Variants in MACROD2 observed in about 807,000 individuals in gnomAD.
MACROD2 encodes ADP-ribose glycohydrolase MACROD2.
MACROD2 carries 36 observed loss-of-function variants against 70.4 expected under a neutral mutation model. The ratio of observed to expected loss-of-function variants is 0.51; its 90% CI spans 0.39 to 0.68. The LOEUF is 0.68. Ranked by LOEUF, MACROD2 falls within the 30% of genes least tolerant of loss-of-function variation. The pLI, the probability that MACROD2 is intolerant of heterozygous loss-of-function variation, is 0.00. For synonymous variants in MACROD2, 172 were observed against 178.8 expected (o/e 0.96, Z 0.30); for missense variants, 496 against 538.4 (o/e 0.92, Z 0.78).
At chr20:15,841,116 G>C (rs1347667370) in intron 8 of MACROD2, among the ~76,000 whole-genome samples, 9 of 152,068 alleles carry the variant, frequency 5.9e-5, no homozygotes, top group Admixed American at 1.3e-4. Context: ...GTCTTTCTCT[G>C]TGTTTCACAT....
At chr20:15,460,439 T>C (rs2146412233) in intron 7 of MACROD2, among the ~76,000 whole-genome samples, 1 of 152,272 alleles carries the variant, frequency 6.6e-6, no homozygotes, top group Non-Finnish European at 1.5e-5. Context: ...ACAGAGGTCT[T>C]GGTCCCAGCT....
intron 4 of MACROD2, among the ~76,000 whole-genome samples, chr20:14,509,972 C>A (rs1344239047): frequency 1.3e-5 from 2 of 151,776 alleles, no homozygotes; most frequent in Non-Finnish European, 2.9e-5. Flanking sequence ...TTACTTCAGC[C>A]CAATATATTT....
chr20:14,986,430 G>T (rs1308677922), intron 5 of MACROD2, among the ~76,000 whole-genome samples: 3 of 151,964 alleles, frequency 2.0e-5, no homozygotes, highest in Non-Finnish European at 4.4e-5. Context: ...CCATTATTAG[G>T]CAATCTCTTA....
chr20:14,214,022 T>A (rs1798156166), intron 3 of MACROD2, among the ~76,000 whole-genome samples: 1 of 152,140 alleles, frequency 6.6e-6, no homozygotes, highest in African/African-American at 2.4e-5. Context: ...TATCTTAAGA[T>A]GGTTTTGGCT....
At chr20:15,549,380 A>G (rs1331496019) in intron 8 of MACROD2, among the ~76,000 whole-genome samples, 1 of 152,226 alleles carries the variant, frequency 6.6e-6, no homozygotes, top group Non-Finnish European at 1.5e-5. Flanking sequence ...TTTTATGCAG[A>G]TATGGAGAGA....
At position 16,050,483 on chromosome 20, in the gene MACROD2, A is replaced by AT. The variant is rs1315937088; in HGVS notation, c.*613dup. 1 of 152,290 alleles carries AT rather than the reference A, an allele frequency of 6.6e-6. No homozygotes were observed. Among genetic ancestry groups the AT allele is most frequent in the Non-Finnish European group, 1.5e-5 (1 of 68,138 alleles). 9.4% of individuals were successfully genotyped at this position (152,290 alleles called of 1,614,324 possible). A position where few individuals can be genotyped will look rare whatever the true frequency, so the allele number is the denominator to read the frequency against. On this transcript the variant is annotated 3_prime_UTR_variant, in exon 18 of 18. Coordinates refer to ENST00000684519, the MANE Select transcript of MACROD2 (RefSeq NM_001351661.2). ...GGCTAATGAGAAATATGGAAGCTGAATTTTTTCCAGAGCAGAGTGCAGAGG... is the reference window on the plus strand; with the variant it reads ...GGCTAATGAGAAATATGGAAGCTGAATTTTTTTCCAGAGCAGAGTGCAGAGG...
At chr20:14,808,373 C>G (rs2072665836) in intron 5 of MACROD2, among the ~76,000 whole-genome samples, 1 of 152,024 alleles carries the variant, frequency 6.6e-6, no homozygotes, top group African/African-American at 2.4e-5. Context: ...CCTTTACAGA[C>G]AAGCACATGC....
At chr20:15,339,221 T>C (rs922561134) in intron 6 of MACROD2, among the ~76,000 whole-genome samples, 3 of 151,900 alleles carry the variant, frequency 2.0e-5, no homozygotes, top group Admixed American at 6.5e-5. Flanking sequence ...TTTTCAGTTA[T>C]GAAAGCATTT....
In MACROD2 at chr20:15,120,860, A is replaced by T. The variant is rs374933736; in HGVS notation, c.419-109080A>T. Among the ~76,000 whole-genome samples, 20 of 152,256 alleles carry T rather than the reference A, an allele frequency of 1.3e-4. No homozygotes were observed. In the South Asian group the frequency reaches 3.9e-3, roughly 30 times the overall value. ...CTTTCTTCAGACCATGTCTTCTTTA[A>T]CACCTGTCACACTCAACAATGTTGA... On this transcript the variant is annotated intron_variant, in intron 5 of 17. Transcript: ENST00000684519.
chr20:15,401,825 C>T (rs983474461), intron 6 of MACROD2, among the ~76,000 whole-genome samples: 7 of 152,192 alleles, frequency 4.6e-5, no homozygotes, highest in Admixed American at 6.5e-5. Context: ...GGTGACCAGG[C>T]GGTCAGATGG....
chr20:15,337,601 C>T (rs2078062285), intron 6 of MACROD2, among the ~76,000 whole-genome samples: 1 of 151,566 alleles, frequency 6.6e-6, no homozygotes, highest in Non-Finnish European at 1.5e-5. Flanking sequence ...ACCACACATA[C>T]TTATTTATTA....
At chr20:14,463,468 A>G (rs2084397696) in intron 3 of MACROD2, among the ~76,000 whole-genome samples, 1 of 152,098 alleles carries the variant, frequency 6.6e-6, no homozygotes, top group African/African-American at 2.4e-5. Flanking sequence ...ATATACAATC[A>G]TGTCATCTGC....
intron 3 of MACROD2, among the ~76,000 whole-genome samples, chr20:14,368,467 C>G (rs892188388): frequency 1.3e-5 from 2 of 151,558 alleles, no homozygotes. Flanking sequence ...GGCATGAACC[C>G]GGAAGGCAGA....
intron 5 of MACROD2, among the ~76,000 whole-genome samples, chr20:15,222,786 T>C (rs1482651317): frequency 6.6e-6 from 1 of 152,268 alleles, no homozygotes; most frequent in East Asian, 1.9e-4. Flanking sequence ...ATCTGTGCTC[T>C]CTCATTTGTT....
In MACROD2 at chr20:15,043,255, A is replaced by G. The variant is rs142362642; in HGVS notation, c.419-186685A>G. Among the ~76,000 whole-genome samples the G allele has an allele frequency of 2.4e-4, 37 of 152,352 alleles. No homozygotes were observed. In the East Asian group the frequency reaches 6.6e-3, roughly 27 times the overall value. Reference sequence around the variant, plus strand: ...AGAATCTGGAAATTTTATTTGAATAATGTAGTTTTCAGATTTCTCTTGAAA... The same window carrying G: ...AGAATCTGGAAATTTTATTTGAATAGTGTAGTTTTCAGATTTCTCTTGAAA... On this transcript the variant is annotated intron_variant, in intron 5 of 17. Coordinates refer to ENST00000684519, the MANE Select transcript of MACROD2 (RefSeq NM_001351661.2).
At chr20:15,957,616 C>G (rs988159713) in intron 12 of MACROD2, among the ~76,000 whole-genome samples, 1 of 152,144 alleles carries the variant, frequency 6.6e-6, no homozygotes, top group Admixed American at 6.5e-5. Flanking sequence ...AGTCATTACT[C>G]CAAATGTCAC....
chr20:15,233,969 TTATATATATTTATTTATATATA>T (rs2076983478), intron 6 of MACROD2, among the ~76,000 whole-genome samples: 1 of 56,118 alleles, frequency 1.8e-5, no homozygotes, highest in African/African-American at 7.9e-5. Flanking sequence ...AAATTTATTT[TTATATATATTTATTTATATATA>T]TATATATATA....
intron 7 of MACROD2, among the ~76,000 whole-genome samples, chr20:15,462,062 A>G (rs1249810542): frequency 6.6e-6 from 1 of 152,142 alleles, no homozygotes; most frequent in Non-Finnish European, 1.5e-5. Flanking sequence ...TTCCACCCAA[A>G]TCATGTTGGA....
chr20:15,474,066 G>A (rs564760505), intron 7 of MACROD2, among the ~76,000 whole-genome samples: 19 of 152,284 alleles, frequency 1.2e-4, no homozygotes, highest in Admixed American at 3.3e-4. Flanking sequence ...AAATAGGAAC[G>A]AGAATTAATT....
Sources: gnomAD v4.1 joint callset for allele counts (sites outside exome capture counted in the v4.1 genomes callset) on GRCh38, gnomAD v4.1.1 for gene constraint, MANE v1.5 for transcripts, NCBI Gene and HGNC (gene_info 2026-07-23, HGNC 2026-07-21) for gene names.